Variants in OR7C1 observed in about 807,000 individuals in gnomAD.
OR7C1 encodes the protein olfactory receptor family 7 subfamily C member 1.
For missense variants in OR7C1, 324 were observed against 383.3 expected (o/e 0.85, Z 1.29); for synonymous variants, 152 against 160.7 (o/e 0.95, Z 0.41).
At chr19:14,801,810 C>T (rs61288142) in intron 2 of OR7C1, among the ~76,000 whole-genome samples, 1,722 of 152,274 alleles carry the variant, frequency 0.011, 36 homozygotes, top group African/African-American at 0.038. Context: ...AGAGAGCGCG[C>T]GCTAAGGCGG....
intron 1 of OR7C1, among the ~76,000 whole-genome samples, chr19:14,810,379 T>TTG (rs77101253): frequency 0.18 from 25,507 of 143,242 alleles, 2,823 homozygotes; most frequent in African/African-American, 0.31. Context: ...TGAGTTTTTT[T>TTG]TTTTTGTTTT....
chr19:14,815,739 C>T (rs537018643), intron 1 of OR7C1, among the ~76,000 whole-genome samples: 9 of 151,954 alleles, frequency 5.9e-5, no homozygotes, highest in Admixed American at 5.9e-4. Context: ...TTTGATGATC[C>T]TAAGGACCTA....
intron 1 of OR7C1, chr19:14,827,609 C>G (rs62122652): frequency 0.052 from 83,221 of 1,614,084 alleles, 2,468 homozygotes; most frequent in South Asian, 0.095. Context: ...GGATCCCAGT[C>G]AGGGGACCTC....
At chr19:14,819,085 T>C (rs2044729732) in intron 1 of OR7C1, among the ~76,000 whole-genome samples, 1 of 148,188 alleles carries the variant, frequency 6.7e-6, no homozygotes, top group African/African-American at 2.5e-5. Flanking sequence ...GATATTCCCC[T>C]TCCTGTGTCC....
At chr19:14,824,028 C>G (rs142699077) in intron 1 of OR7C1, among the ~76,000 whole-genome samples, 1 of 151,906 alleles carries the variant, frequency 6.6e-6, no homozygotes, top group Non-Finnish European at 1.5e-5. Flanking sequence ...TTCCATTTAC[C>G]TTTTCCCCTC....
rs923986613 is a variant in OR7C1, at chr19:14,800,250, G to T, written c.-14+6C>A. On this transcript the variant is annotated splice_donor_region_variant and intron_variant, in intron 4 of 4. Coordinates refer to ENST00000641666, the Ensembl canonical transcript of OR7C1. ...TAAGTGAAGGAATCAATTAACAAAAGATTGCCTTTTTCTTGCTGTCTTTTT... is the reference window on the plus strand; with the variant it reads ...TAAGTGAAGGAATCAATTAACAAAATATTGCCTTTTTCTTGCTGTCTTTTT... The T allele has an allele frequency of 8.1e-6, 10 of 1,239,686 alleles. No individual in the cohort carries two copies. The highest frequency in any genetic ancestry group is 1.1e-5 in the Non-Finnish European group (10 of 899,854). 76.8% of individuals were successfully genotyped at this position (1,239,686 alleles called of 1,614,324 possible).
At chr19:14,816,415 T>C (rs2044716566) in intron 1 of OR7C1, among the ~76,000 whole-genome samples, 4 of 152,162 alleles carry the variant, frequency 2.6e-5, no homozygotes, top group Non-Finnish European at 1.5e-5. Flanking sequence ...CCAGTGTGGC[T>C]AGAATAGAGC....
intron 1 of OR7C1, chr19:14,825,487 G>A (rs184346331): frequency 1.3e-5 from 2 of 152,322 alleles, no homozygotes; most frequent in East Asian, 3.9e-4. Flanking sequence ...ATGGACTCAG[G>A]ATCTTTTCAT....
chr19:14,816,224 A>G (rs1230293098), intron 1 of OR7C1, among the ~76,000 whole-genome samples: 1 of 152,174 alleles, frequency 6.6e-6, no homozygotes, highest in Non-Finnish European at 1.5e-5. Flanking sequence ...AAAGTTAAAG[A>G]AAGGAGTGAT....
intron 1 of OR7C1, among the ~76,000 whole-genome samples, chr19:14,817,439 T>C (rs2044721144): frequency 6.6e-6 from 1 of 152,186 alleles, no homozygotes; most frequent in Non-Finnish European, 1.5e-5. Context: ...GACCTATGCC[T>C]CACTCTTTCC....
Position 14,799,727 on chromosome 19 carries a change from T to A in OR7C1, c.410A>T (p.Asn137Ile), listed in dbSNP as rs777249930. 10 of 1,613,802 alleles carry A rather than the reference T, an allele frequency of 6.2e-6. No individual in the cohort carries two copies. The Admixed American group carries it at 1.5e-4, about 24-fold the overall frequency. ...AACCAGCAGTCCACAGAGCTGGGGG[T>A]TCATGATGACCGTATAGTGCAGGGG... Residue 137 changes from asparagine (N) to isoleucine (I), a missense_variant, in exon 5 of 5, where the codon AAC (asparagine) becomes ATC (isoleucine). By Grantham distance (149) the Asn-to-Ile change is moderately radical. Coordinates refer to ENST00000641666, the Ensembl canonical transcript of OR7C1.
At chr19:14,811,258 T>A (rs779837861) in intron 1 of OR7C1, among the ~76,000 whole-genome samples, 2 of 151,960 alleles carry the variant, frequency 1.3e-5, no homozygotes, top group Middle Eastern at 6.8e-3. Context: ...AAAATCAAGG[T>A]GCAAGAAGGG....
chr19:14,832,704 C>A (rs2044845478), intron 1 of OR7C1, among the ~76,000 whole-genome samples: 1 of 151,942 alleles, frequency 6.6e-6, no homozygotes, highest in Non-Finnish European at 1.5e-5. Flanking sequence ...GGATTACAGG[C>A]CTGAGCCACA....
At chr19:14,834,382 A>G (rs796434498) in intron 1 of OR7C1, among the ~76,000 whole-genome samples, 19 of 152,326 alleles carry the variant, frequency 1.2e-4, no homozygotes, top group African/African-American at 4.6e-4. Flanking sequence ...ATTCTGGGCT[A>G]GATCACTCTC....
chr19:14,828,758 CAAAAAAAAAAAAAAA>C (rs58983718), intron 1 of OR7C1, among the ~76,000 whole-genome samples: 3 of 35,154 alleles, frequency 8.5e-5, no homozygotes, highest in South Asian at 1.4e-3. Flanking sequence ...GACTCCATCT[CAAAAAAAAAAAAAAA>C]AAAAAAAAAA....
intron 1 of OR7C1, among the ~76,000 whole-genome samples, chr19:14,815,371 CA>C (rs1012117177): frequency 1.3e-5 from 2 of 152,220 alleles, no homozygotes; most frequent in Non-Finnish European, 2.9e-5. Flanking sequence ...TTGTTTCATA[CA>C]CATGCACCAG....
chr19:14,804,841 T>C (rs79812774), intron 2 of OR7C1, among the ~76,000 whole-genome samples: 2,963 of 152,038 alleles, frequency 0.019, 158 homozygotes, highest in African/African-American at 0.068. Flanking sequence ...TGCTTTCAAG[T>C]AACTGGTTAA....
At chr19:14,829,575 G>A (rs2044811075) in intron 1 of OR7C1, among the ~76,000 whole-genome samples, 1 of 152,178 alleles carries the variant, frequency 6.6e-6, no homozygotes, top group Admixed American at 6.5e-5. Flanking sequence ...AAGACGGAGA[G>A]TGATGGGACA....
At position 14,818,143 on chromosome 19, in the gene OR7C1, G is replaced by A. The variant is rs925301973; in HGVS notation, c.-622-8150C>T. Among the ~76,000 whole-genome samples, 4 of 150,924 alleles carry A rather than the reference G, an allele frequency of 2.7e-5. 1 individual carries two copies. The highest frequency in any genetic ancestry group is 1.5e-5 in the Non-Finnish European group (1 of 67,806). On this transcript the variant is annotated intron_variant, in intron 1 of 4. Transcript: ENST00000641666. ...CTCGCTCTGTCCCCTAGACTGGAGC[G>A]CAGTAGTGGCACGATCTCGGCTCAC...
Sources: allele counts gnomAD v4.1 joint callset (sites outside exome capture counted in the v4.1 genomes callset), GRCh38; gene constraint gnomAD v4.1.1; transcripts MANE v1.5; gene names NCBI Gene and HGNC (gene_info 2026-07-23, HGNC 2026-07-21).